Variants in SEMA4D observed in about 807,000 individuals in gnomAD.
SEMA4D encodes the protein semaphorin 4D, also known as semaphorin-4D.
Under a neutral mutation model 74.8 loss-of-function variants are expected in SEMA4D, and 22 were observed. That is an observed-to-expected ratio of 0.29 (90% CI 0.21 to 0.42). The LOEUF (loss-of-function observed/expected upper bound fraction) is 0.42, where lower values mean the gene tolerates loss of function less well. Ranked by LOEUF, SEMA4D falls within the 10% of genes least tolerant of loss-of-function variation. SEMA4D has a pLI of 1.00. For synonymous variants in SEMA4D, 445 were observed against 463.7 expected (o/e 0.96, Z 0.52); for missense variants, 937 against 1,118.4 (o/e 0.84, Z 2.31).
At chr9:89,481,933 G>C (rs1168268807) in intron 1 of SEMA4D, among the ~76,000 whole-genome samples, 1 of 152,230 alleles carries the variant, frequency 6.6e-6, no homozygotes, top group Non-Finnish European at 1.5e-5. Context: ...GCAGAAGGAA[G>C]GAGGAGATGG....
chr9:89,385,400 T>A (rs951545840), intron 13 of SEMA4D: 1 of 985,178 alleles, frequency 1.0e-6, no homozygotes, highest in African/African-American at 1.7e-5. Context: ...AGCTTCTGGG[T>A]CCCCTTCTTT....
intron 2 of SEMA4D, among the ~76,000 whole-genome samples, chr9:89,425,600 T>C (rs1206000061): frequency 1.3e-5 from 2 of 152,116 alleles, no homozygotes; most frequent in African/African-American, 4.8e-5. Flanking sequence ...TCAAGAGGCC[T>C]GGGCAAGGAC....
At chr9:89,437,664 G>T (rs1850752609) in intron 2 of SEMA4D, among the ~76,000 whole-genome samples, 1 of 152,218 alleles carries the variant, frequency 6.6e-6, no homozygotes, top group Non-Finnish European at 1.5e-5. Context: ...CTCTGGTCAA[G>T]GGGTCCCAGG....
rs928514605 is a variant in SEMA4D, at chr9:89,484,842, T to G, written c.-310+13077A>C. Among the ~76,000 whole-genome samples the G allele has an allele frequency of 7.3e-5, 11 of 150,644 alleles. No individual in the cohort carries two copies. The highest frequency in any genetic ancestry group is 6.6e-4 in the Admixed American group (10 of 15,132). On this transcript the variant is annotated intron_variant, in intron 1 of 15. Coordinates refer to ENST00000422704, the MANE Select transcript of SEMA4D (RefSeq NM_001371194.2). The surrounding 1 kb of genome is among the most constrained non-coding windows in gnomAD (Gnocchi z 4.1). ...TGGTGTGTGGATGTATTGTGTGGTG[T>G]GTGTGTAATGTGTGTATACTGGGTG... is the stretch of plus-strand genomic sequence containing the variant.
Position 89,379,100 on chromosome 9 carries a change from G to C in SEMA4D, c.2193C>G (p.Ser731Arg). The change falls in exon 16 of 16, where the codon AGC (serine) becomes AGG (arginine). Residue 731 changes from serine to arginine, a missense_variant. By Grantham distance (110) the Ser-to-Arg change is moderately radical. Transcript: ENST00000422704. Reference sequence around the variant, plus strand: ...AGAGGGACATGAGGAGGCGGTTGTCGCTGGACTTAAGATACATGGTTTTCT... The same window carrying C: ...AGAGGGACATGAGGAGGCGGTTGTCCCTGGACTTAAGATACATGGTTTTCT... ...HSEKTMYLKS[S>R]DNRLLMSLFL... 6.2e-7 allele frequency: 1 copy of C among 1,614,158 alleles called. No individual in the cohort carries two copies. Among genetic ancestry groups the C allele is most frequent in the Non-Finnish European group, 8.5e-7 (1 of 1,180,016 alleles).
chr9:89,497,631 G>A (rs1826137127), intron 1 of SEMA4D, among the ~76,000 whole-genome samples: 1 of 151,756 alleles, frequency 6.6e-6, no homozygotes, highest in South Asian at 2.1e-4. Context: ...AGGCAACCGG[G>A]AAGGGGAGAA....
At chr9:89,393,802 G>T in intron 6 of SEMA4D, 147 bp from the exon 7 acceptor site, 1 of 642,028 alleles carries the variant, frequency 1.6e-6, no homozygotes, top group Non-Finnish European at 2.8e-6. Context: ...CAGGAGTCCC[G>T]CCCACTAGGG....
chr9:89,455,666 A>G (rs1855760968), intron 2 of SEMA4D, among the ~76,000 whole-genome samples: 1 of 152,070 alleles, frequency 6.6e-6, no homozygotes, highest in African/African-American at 2.4e-5. Flanking sequence ...CTTCCTCTAT[A>G]TCCACATCCC....
chr9:89,363,893 A>T (rs1554730057), exon 17 of SEMA4D: 15 of 1,613,972 alleles, frequency 9.3e-6, no homozygotes, highest in Middle Eastern at 3.3e-4. Flanking sequence ...CTGCACAGGG[A>T]CACAGGTCTC....
rs779753267 is a variant in SEMA4D, at chr9:89,449,071, AG to A, written c.-244+6816del. On this transcript the variant is annotated intron_variant, in intron 2 of 15. Coordinates refer to ENST00000422704, the MANE Select transcript of SEMA4D (RefSeq NM_001371194.2). ...GTGTAAGTCTTACCCACAGAAAACA[AG>A]GGAGACACAAGCCCGGATAGCACGG... Among the ~76,000 whole-genome samples the A allele has an allele frequency of 1.1e-4, 16 of 152,220 alleles. 1 individual carries two copies. The highest frequency in any genetic ancestry group is 1.6e-4 in the Non-Finnish European group (11 of 68,034).
At chr9:89,417,442 C>T (rs1845954865) in intron 2 of SEMA4D, among the ~76,000 whole-genome samples, 1 of 152,150 alleles carries the variant, frequency 6.6e-6, no homozygotes, top group South Asian at 2.1e-4. Context: ...GGCAGCAGGA[C>T]TCTTTAAAAG....
chr9:89,426,888 A>C (rs1223302477), intron 2 of SEMA4D, among the ~76,000 whole-genome samples: 1 of 152,212 alleles, frequency 6.6e-6, no homozygotes, highest in Non-Finnish European at 1.5e-5. Context: ...AAGTGCTAAA[A>C]ATAGACAATG....
intron 1 of SEMA4D, among the ~76,000 whole-genome samples, chr9:89,469,408 A>C (rs935605864): frequency 6.6e-6 from 1 of 152,218 alleles, no homozygotes; most frequent in African/African-American, 2.4e-5. Context: ...GAGGAGGAAA[A>C]AACATTTCCC....
chr9:89,437,891 T>G (rs1388312550), intron 2 of SEMA4D, among the ~76,000 whole-genome samples: 1 of 152,190 alleles, frequency 6.6e-6, no homozygotes, highest in African/African-American at 2.4e-5. Context: ...CTAAAATTCC[T>G]TAAATTGAGC....
At chr9:89,375,185 G>C (rs1835625635), downstream of SEMA4D, among the ~76,000 whole-genome samples, 2 of 152,216 alleles carry the variant, frequency 1.3e-5, no homozygotes, top group African/African-American at 4.8e-5. Flanking sequence ...CACCGAGGAG[G>C]AGCTTCCTGA....
chr9:89,382,998 G>T (rs1209524062), intron 13 of SEMA4D, among the ~76,000 whole-genome samples: 1 of 152,228 alleles, frequency 6.6e-6, no homozygotes, highest in Non-Finnish European at 1.5e-5. Context: ...ATGGGGCTGG[G>T]CTGCAGCCCA....
chr9:89,363,309 G>C (rs1175612731), intron 18 of SEMA4D: 2 of 1,427,696 alleles, frequency 1.4e-6, no homozygotes, highest in Admixed American at 4.7e-5. Context: ...AACTGCTCCG[G>C]GGCTAAGAGG....
At chr9:89,364,220 C>T (rs1487579506) in intron 16 of SEMA4D, 4 of 592,884 alleles carry the variant, frequency 6.7e-6, no homozygotes, top group African/African-American at 1.9e-5. Context: ...CCCCTAGGAC[C>T]CCCTTTCTTG....
chr9:89,427,803 T>C (rs889776391), intron 2 of SEMA4D, among the ~76,000 whole-genome samples: 1 of 152,172 alleles, frequency 6.6e-6, no homozygotes, highest in Non-Finnish European at 1.5e-5. Flanking sequence ...TTCCAGATGA[T>C]TCAGAATGTG....
Sources: gnomAD v4.1 joint callset for allele counts (sites outside exome capture counted in the v4.1 genomes callset) on GRCh38, gnomAD v4.1.1 for gene constraint, Gnocchi (gnomAD v3.1) non-coding constraint, MANE v1.5 for transcripts, NCBI Gene and HGNC (gene_info 2026-07-23, HGNC 2026-07-21) for gene names.